Variants in GRIN2A observed in about 807,000 individuals in gnomAD.
The protein encoded by GRIN2A is glutamate ionotropic receptor NMDA type subunit 2A, also known as glutamate receptor ionotropic, NMDA 2A.
GRIN2A carries 22 observed loss-of-function variants against 113.4 expected under a neutral mutation model. That is an observed-to-expected ratio of 0.19 (90% CI 0.14 to 0.28). The LOEUF is 0.28. GRIN2A is among the 10% of genes least tolerant of loss of function. GRIN2A has a pLI of 1.00. For synonymous variants in GRIN2A, 827 were observed against 738.4 expected, an observed-to-expected ratio of 1.12 and a Z score of -1.94; for missense variants, 1,502 against 1,887.0, an observed-to-expected ratio of 0.80 and a Z score of 3.78.
At chr16:9,994,784 GGAA>G (rs1326256346) in intron 2 of GRIN2A, among the ~76,000 whole-genome samples, 2 of 152,186 alleles carry the variant, frequency 1.3e-5, no homozygotes, top group African/African-American at 2.4e-5. Context: ...CATCTCCATT[GGAA>G]CTCCTTTACC....
intron 2 of GRIN2A, among the ~76,000 whole-genome samples, chr16:10,040,563 C>T (rs2047144201): frequency 8.3e-6 from 1 of 120,426 alleles, no homozygotes; most frequent in Non-Finnish European, 1.7e-5. Flanking sequence ...GACATACAAA[C>T]CCACATATTC....
At chr16:9,949,170 G>A (rs1247020423) in intron 2 of GRIN2A, among the ~76,000 whole-genome samples, 2 of 152,204 alleles carry the variant, frequency 1.3e-5, no homozygotes, top group Admixed American at 6.5e-5. Flanking sequence ...TATTTTAGGT[G>A]TCTATTTAAA....
chr16:9,792,759 C>T (rs1477987569), intron 11 of GRIN2A, among the ~76,000 whole-genome samples: 1 of 152,048 alleles, frequency 6.6e-6, no homozygotes, highest in Admixed American at 6.5e-5. Context: ...TAAAACTGAG[C>T]AAAATACAAA....
intron 2 of GRIN2A, among the ~76,000 whole-genome samples, chr16:9,965,582 G>C (rs550064127): frequency 7.8e-4 from 119 of 152,260 alleles, no homozygotes; most frequent in African/African-American, 2.7e-3. Flanking sequence ...GAGATGGCAG[G>C]CTCCATGAGA....
intron 5 of GRIN2A, among the ~76,000 whole-genome samples, chr16:9,847,981 T>C (rs894319871): frequency 6.8e-6 from 1 of 146,634 alleles, no homozygotes; most frequent in East Asian, 1.9e-4. Context: ...ATATGGTTTA[T>C]ATATTTTTAA....
chr16:9,884,851 G>A (rs1029740478), intron 4 of GRIN2A, among the ~76,000 whole-genome samples: 5 of 149,832 alleles, frequency 3.3e-5, no homozygotes, highest in African/African-American at 7.4e-5. Context: ...CTGGGTTCAC[G>A]CCATTCTCCT....
chr16:9,932,191 T>G (rs960821989), intron 3 of GRIN2A, among the ~76,000 whole-genome samples: 3 of 152,180 alleles, frequency 2.0e-5, no homozygotes, highest in African/African-American at 7.2e-5. Flanking sequence ...AAACAATAGA[T>G]GAATGACAGC....
intron 2 of GRIN2A, chr16:10,027,645 G>A (rs920454263): frequency 6.6e-6 from 1 of 152,668 alleles, no homozygotes; most frequent in African/African-American, 2.4e-5. Context: ...AGTGAGACAT[G>A]AGGAGTCCTC....
At chr16:9,995,826 G>A (rs955938538) in intron 2 of GRIN2A, among the ~76,000 whole-genome samples, 2 of 151,882 alleles carry the variant, frequency 1.3e-5, no homozygotes, top group African/African-American at 4.8e-5. Flanking sequence ...TTTAAAGAGG[G>A]GATAGAGAAG....
intron 3 of GRIN2A, among the ~76,000 whole-genome samples, chr16:9,911,899 G>A (rs899822928): frequency 6.6e-6 from 1 of 152,200 alleles, no homozygotes; most frequent in Non-Finnish European, 1.5e-5. Flanking sequence ...CTCCTAAAGG[G>A]TGAGAGGCAT....
chr16:9,965,641 A>G (rs1322020747), intron 2 of GRIN2A, among the ~76,000 whole-genome samples: 1 of 152,240 alleles, frequency 6.6e-6, no homozygotes, highest in Admixed American at 6.5e-5. Flanking sequence ...TGTCCAGTCC[A>G]TGTCTAGCAC....
Position 9,763,608 on chromosome 16 carries a change from G to T in GRIN2A, c.3936C>A (p.Ser1312Arg), listed in dbSNP as rs267604685. 1.2e-6 allele frequency: 2 copies of T among 1,613,432 alleles called. No homozygotes were observed. Among genetic ancestry groups the T allele is most frequent in the Non-Finnish European group, 1.7e-6 (2 of 1,179,980 alleles). Residue 1312 changes from serine to arginine, a missense_variant, in exon 13 of 13, where the codon AGC becomes AGA. Physicochemically the swap from Ser to Arg is moderately radical, Grantham distance 110. Around this residue, in one of 7 missense-constraint regions of GRIN2A, gnomAD observed 832 missense variants for 789.7 expected, o/e 1.05. Transcript: ENST00000330684. The stretch of plus-strand genomic sequence containing the variant: ...CCAGAAGCCGTTCCCTGTCCTTGAG[G>T]CTTATGCTCCGGGAGGGCCTGCTAA... Reference protein sequence around the residue: ...LDLSRPSRSISLKDRERLLEG... With the variant: ...LDLSRPSRSIRLKDRERLLEG...
At chr16:9,877,867 C>G (rs1454781590) in intron 4 of GRIN2A, among the ~76,000 whole-genome samples, 1 of 102,574 alleles carries the variant, frequency 9.7e-6, no homozygotes, top group African/African-American at 5.5e-5. Flanking sequence ...TCCCTGCCTC[C>G]CTCTCCCCCA....
At chr16:10,034,402 A>G (rs1425752865) in intron 2 of GRIN2A, among the ~76,000 whole-genome samples, 1 of 151,824 alleles carries the variant, frequency 6.6e-6, no homozygotes, top group African/African-American at 2.4e-5. Context: ...GCACATGCCT[A>G]TAGTCCCTGC....
intron 2 of GRIN2A, among the ~76,000 whole-genome samples, chr16:9,973,578 G>T (rs1451405804): frequency 6.6e-6 from 1 of 152,080 alleles, no homozygotes; most frequent in Middle Eastern, 3.2e-3. Context: ...GAAACTCAAA[G>T]AACCCCAAAT....
rs1466663933 is a variant in GRIN2A at position 9,832,095 on chromosome 16, T to TTTAA, written c.1777+2009_1777+2010insTTAA. Among the ~76,000 whole-genome samples, 3 of 136,794 alleles carry TTTAA rather than the reference T, an allele frequency of 2.2e-5. No homozygotes were observed. The East Asian group carries it at 6.4e-4, about 29-fold the overall frequency. The allele number at this position is 136,794 out of a possible 152,430, so 89.7% of individuals were successfully genotyped here. A position where few individuals can be genotyped will look rare whatever the true frequency, so the allele number is the denominator to read the frequency against. ...CATCACGCCAGGCTTATTTTATTTA[T>TTTAA]TTATTTATTTATTTATTTATTTATT... is the stretch of plus-strand genomic sequence containing the variant. On this transcript the variant is annotated intron_variant, in intron 8 of 12. Coordinates refer to ENST00000330684, the MANE Select transcript of GRIN2A (RefSeq NM_001134407.3).
chr16:9,772,066 C>G (rs1046635479), intron 11 of GRIN2A, among the ~76,000 whole-genome samples: 1 of 152,124 alleles, frequency 6.6e-6, no homozygotes, highest in Non-Finnish European at 1.5e-5. Context: ...CCATCCCTTT[C>G]CAGTTCCTCA....
chr16:9,841,596 C>A (rs1254119308), intron 5 of GRIN2A, among the ~76,000 whole-genome samples: 3 of 152,120 alleles, frequency 2.0e-5, no homozygotes, highest in African/African-American at 7.2e-5. Context: ...ATTACAGAGG[C>A]TTGAAACCAA....
intron 2 of GRIN2A, among the ~76,000 whole-genome samples, chr16:9,987,175 C>T (rs1263659722): frequency 2.0e-5 from 3 of 152,212 alleles, no homozygotes; most frequent in Non-Finnish European, 4.4e-5. Context: ...CTGGTCCCTG[C>T]AACCAGATTA....
Sources: gnomAD v4.1 joint callset for allele counts (sites outside exome capture counted in the v4.1 genomes callset) on GRCh38, gnomAD v4.1.1 for gene constraint, gnomAD v4.1.1 regional missense constraint, MANE v1.5 for transcripts, NCBI Gene and HGNC (gene_info 2026-07-23, HGNC 2026-07-21) for gene names.